Variants in GPC5 observed in about 807,000 individuals in gnomAD.
GPC5 encodes the protein glypican-5.
In GPC5, 47 loss-of-function variants were observed where a neutral mutation model predicts 53.9. The ratio of observed to expected loss-of-function variants is 0.87; its 90% CI spans 0.69 to 1.11. The LOEUF (loss-of-function observed/expected upper bound fraction) is 1.11. Ranked by LOEUF, GPC5 falls within the 50% of genes most tolerant of loss-of-function variation. The pLI is 0.00. For missense variants in GPC5, 748 were observed against 713.1 expected (o/e 1.05, Z -0.56); for synonymous variants, 286 against 263.3 (o/e 1.09, Z -0.84).
chr13:91,559,333 C>A (rs890781820), intron 2 of GPC5, among the ~76,000 whole-genome samples: 3 of 152,108 alleles, frequency 2.0e-5, no homozygotes, highest in African/African-American at 7.2e-5. Flanking sequence ...TCTCCTAGAG[C>A]ACACTGGAGT....
intron 5 of GPC5, among the ~76,000 whole-genome samples, 189 bp from the exon 6 acceptor site, chr13:91,907,748 T>C (rs754690212): frequency 1.3e-5 from 2 of 151,898 alleles, no homozygotes; most frequent in Non-Finnish European, 2.9e-5. Context: ...ATTGATCTAA[T>C]GGCACGATAA....
chr13:91,897,630 G>A (rs1409337886), intron 5 of GPC5, among the ~76,000 whole-genome samples: 1 of 152,076 alleles, frequency 6.6e-6, no homozygotes, highest in Non-Finnish European at 1.5e-5. Flanking sequence ...CTTAAAGTCT[G>A]AAAATTACAT....
chr13:91,898,861 T>C (rs1405816159), intron 5 of GPC5, among the ~76,000 whole-genome samples: 1 of 152,126 alleles, frequency 6.6e-6, no homozygotes, highest in Non-Finnish European at 1.5e-5. Flanking sequence ...AGTTAAAATA[T>C]CTTTTTACTC....
chr13:91,572,880 C>A (rs1430232293), intron 2 of GPC5, among the ~76,000 whole-genome samples: 1 of 152,118 alleles, frequency 6.6e-6, no homozygotes, highest in Non-Finnish European at 1.5e-5. Context: ...ATTTCCTGAT[C>A]CTTTTGTCAA....
chr13:92,030,117 G>A (rs1344694059), intron 6 of GPC5, among the ~76,000 whole-genome samples: 2 of 152,164 alleles, frequency 1.3e-5, no homozygotes, highest in Non-Finnish European at 2.9e-5. Context: ...AACAGCAGCA[G>A]TACAAATATT....
chr13:91,931,143 C>A (rs2039818023), intron 6 of GPC5, among the ~76,000 whole-genome samples: 2 of 151,940 alleles, frequency 1.3e-5, no homozygotes, highest in African/African-American at 4.8e-5. Context: ...TTCCATCATT[C>A]TTTCTGTTAA....
At chr13:91,957,072 A>C (rs2040080058) in intron 6 of GPC5, among the ~76,000 whole-genome samples, 1 of 152,174 alleles carries the variant, frequency 6.6e-6, no homozygotes, top group African/African-American at 2.4e-5. Flanking sequence ...GACATTACAA[A>C]GAAACCAGAA....
chr13:91,497,926 T>C (rs1312763945), intron 2 of GPC5, among the ~76,000 whole-genome samples: 1 of 152,174 alleles, frequency 6.6e-6, no homozygotes. Flanking sequence ...CTCAAGAATG[T>C]ATCCTTTGTG....
chr13:92,591,666 A>T (rs1883715333), intron 7 of GPC5, among the ~76,000 whole-genome samples: 1 of 152,094 alleles, frequency 6.6e-6, no homozygotes, highest in African/African-American at 2.4e-5. Flanking sequence ...TATAGTCACC[A>T]TGGTGTACAA....
intron 7 of GPC5, among the ~76,000 whole-genome samples, chr13:92,344,659 G>T (rs1239595766): frequency 6.6e-6 from 1 of 152,172 alleles, no homozygotes; most frequent in Non-Finnish European, 1.5e-5. Flanking sequence ...GTTTTGGGGA[G>T]TGGTCAAAGT....
chr13:91,898,510 C>T lies in GPC5; in HGVS notation c.1281-9427C>T, dbSNP rs561663515. Among the ~76,000 whole-genome samples the T allele has an allele frequency of 3.9e-5, 6 of 152,100 alleles. No homozygotes were observed. The South Asian group carries it at 8.3e-4, about 21-fold the overall frequency. ...TGCCCTTGTTTTATAGTGCTTGTGCCTTTTATTCTAAGCGGTCTCAAAGGC... is the reference window on the plus strand; with the variant it reads ...TGCCCTTGTTTTATAGTGCTTGTGCTTTTTATTCTAAGCGGTCTCAAAGGC... On this transcript the variant is annotated intron_variant, in intron 5 of 7. Coordinates refer to ENST00000377067, the MANE Select transcript of GPC5 (RefSeq NM_004466.6).
At chr13:92,264,827 T>A (rs555832444) in intron 7 of GPC5, among the ~76,000 whole-genome samples, 8 of 152,040 alleles carry the variant, frequency 5.3e-5, no homozygotes, top group Middle Eastern at 3.4e-3. Flanking sequence ...TATTGAAACT[T>A]TTTTTTGTGT....
chr13:91,853,085 TGGTAA>T, intron 5 of GPC5, among the ~76,000 whole-genome samples: 1 of 152,138 alleles, frequency 6.6e-6, no homozygotes, highest in East Asian at 1.9e-4. Context: ...ACAGTCTGAA[TGGTAA>T]GTACAAGTGT....
intron 4 of GPC5, among the ~76,000 whole-genome samples, chr13:91,750,077 C>CT (rs1412333592): frequency 6.6e-6 from 1 of 152,192 alleles, no homozygotes; most frequent in Non-Finnish European, 1.5e-5. Flanking sequence ...TCCCAAAGTG[C>CT]TGGGATTGCA....
chr13:91,420,394 C>G (rs147818609), intron 1 of GPC5, among the ~76,000 whole-genome samples: 1 of 152,134 alleles, frequency 6.6e-6, no homozygotes, highest in East Asian at 1.9e-4. Flanking sequence ...CTTCTGTACC[C>G]TTGCTTTTCA....
At chr13:92,766,769 G>C (rs1594492173) in intron 7 of GPC5, among the ~76,000 whole-genome samples, 1 of 152,190 alleles carries the variant, frequency 6.6e-6, no homozygotes. Context: ...AAATTCATTT[G>C]CTTTTAAGGG....
chr13:91,751,666 G>C (rs913143222), intron 4 of GPC5, among the ~76,000 whole-genome samples: 4 of 152,166 alleles, frequency 2.6e-5, no homozygotes, highest in South Asian at 4.1e-4. Context: ...ACTTCCAAGC[G>C]CCTGTGTGCC....
intron 2 of GPC5, among the ~76,000 whole-genome samples, chr13:91,635,024 T>C (rs1158719559): frequency 6.6e-6 from 1 of 152,112 alleles, no homozygotes; most frequent in Non-Finnish European, 1.5e-5. Context: ...TGCTATGCTC[T>C]GAAGTCAGAA....
intron 7 of GPC5, among the ~76,000 whole-genome samples, chr13:92,575,481 G>A (rs1271762163): frequency 6.6e-6 from 1 of 152,124 alleles, no homozygotes; most frequent in Admixed American, 6.6e-5. Context: ...AGCCTGCAGA[G>A]GGAACCTGGC....
Sources: gnomAD v4.1 joint callset for allele counts (sites outside exome capture counted in the v4.1 genomes callset) on GRCh38, gnomAD v4.1.1 for gene constraint, MANE v1.5 for transcripts, NCBI Gene and HGNC (gene_info 2026-07-23, HGNC 2026-07-21) for gene names.